HS3ST3A1: variants seen among roughly 807,000 people sequenced by gnomAD.
HS3ST3A1 encodes the protein heparan sulfate glucosamine 3-O-sulfotransferase 3A1.
A neutral mutation model predicts 25.7 loss-of-function variants in HS3ST3A1; 19 were observed. That is an observed-to-expected ratio of 0.74 (90% CI 0.52 to 1.08). The LOEUF is 1.08. Among genes scored for constraint, HS3ST3A1 ranks in the 50% least tolerant of loss-of-function variants. The pLI is 0.00. For synonymous variants in HS3ST3A1, 226 were observed against 278.6 expected (o/e 0.81, Z 1.88); for missense variants, 459 against 594.3 (o/e 0.77, Z 2.37).
At chr17:13,516,967 T>C (rs971168255) in intron 1 of HS3ST3A1, among the ~76,000 whole-genome samples, 6 of 152,086 alleles carry the variant, frequency 3.9e-5, no homozygotes, top group Non-Finnish European at 5.9e-5. Context: ...ATTACAGGCG[T>C]GAGCCACTGT....
At chr17:13,507,084 A>G (rs1447691816) in intron 1 of HS3ST3A1, among the ~76,000 whole-genome samples, 2 of 144,452 alleles carry the variant, frequency 1.4e-5, no homozygotes, top group South Asian at 2.2e-4. Context: ...AAAAAAAAAA[A>G]AACAAAAAAA....
At chr17:13,595,677 G>A (rs1272849103) in intron 1 of HS3ST3A1, among the ~76,000 whole-genome samples, 1 of 152,130 alleles carries the variant, frequency 6.6e-6, no homozygotes, top group Non-Finnish European at 1.5e-5. Flanking sequence ...CCCATACCAA[G>A]AAACGATGCT....
chr17:13,597,364 A>G (rs986760935), intron 1 of HS3ST3A1, among the ~76,000 whole-genome samples: 4 of 152,102 alleles, frequency 2.6e-5, no homozygotes, highest in Admixed American at 2.6e-4. Flanking sequence ...CCTGCTCTTG[A>G]ACTACAGTAG....
At chr17:13,561,991 TG>T (rs1907562356) in intron 1 of HS3ST3A1, among the ~76,000 whole-genome samples, 1 of 152,072 alleles carries the variant, frequency 6.6e-6, no homozygotes, top group Non-Finnish European at 1.5e-5. Context: ...GGAGCTTAGC[TG>T]GGGAAGAAAC....
Position 13,496,050 on chromosome 17 carries a change from G to C in HS3ST3A1, c.*147C>G. ...TTTGGTGTTGGTTATACATTAAGAT[G>C]GGGCGGGAGTGAGAACAATCTCTTA... On this transcript the variant is annotated 3_prime_UTR_variant, in exon 2 of 2. Coordinates refer to ENST00000284110, the MANE Select transcript of HS3ST3A1 (RefSeq NM_006042.3). 2.1e-6 allele frequency: 2 copies of C among 972,300 alleles called. No homozygotes were observed. The highest frequency in any genetic ancestry group is 2.9e-6 in the Non-Finnish European group (2 of 689,806). 60.2% of individuals were successfully genotyped at this position (972,300 alleles called of 1,614,324 possible). A position where few individuals can be genotyped will look rare whatever the true frequency, so the allele number is the denominator to read the frequency against.
At chr17:13,515,222 C>T (rs1000590695) in intron 1 of HS3ST3A1, among the ~76,000 whole-genome samples, 1 of 152,174 alleles carries the variant, frequency 6.6e-6, no homozygotes, top group Admixed American at 6.5e-5. Flanking sequence ...GTGCAGGGCA[C>T]TATCTTGGCT....
intron 1 of HS3ST3A1, 51 bp from the exon 2 acceptor site, chr17:13,496,869 C>A: frequency 6.3e-7 from 1 of 1,576,700 alleles, no homozygotes; most frequent in South Asian, 1.2e-5. Flanking sequence ...AGCTCAGTCC[C>A]AGGAGAGACT....
chr17:13,504,689 T>C (rs911882796), intron 1 of HS3ST3A1, among the ~76,000 whole-genome samples: 20 of 152,246 alleles, frequency 1.3e-4, no homozygotes, highest in African/African-American at 4.3e-4. Flanking sequence ...TATCCCATAA[T>C]GCTCCAAGAA....
At chr17:13,579,727 AAT>A (rs1309963420) in intron 1 of HS3ST3A1, among the ~76,000 whole-genome samples, 4 of 147,378 alleles carry the variant, frequency 2.7e-5, no homozygotes, top group South Asian at 2.2e-4. Flanking sequence ...AAAAAAAAAA[AAT>A]CATAAGAAAT....
intron 1 of HS3ST3A1, among the ~76,000 whole-genome samples, chr17:13,554,108 C>G (rs1192686388): frequency 1.3e-5 from 2 of 152,186 alleles, no homozygotes; most frequent in African/African-American, 2.4e-5. Context: ...GGAAAAAGAG[C>G]ATTTTTGAAA....
intron 1 of HS3ST3A1, among the ~76,000 whole-genome samples, chr17:13,563,875 A>G (rs1458741878): frequency 6.6e-6 from 1 of 152,172 alleles, no homozygotes; most frequent in Non-Finnish European, 1.5e-5. Context: ...GGACAACTTA[A>G]AGATCACAAA....
intron 1 of HS3ST3A1, among the ~76,000 whole-genome samples, chr17:13,591,048 CTT>C (rs552742240): frequency 1.2e-4 from 16 of 136,622 alleles, no homozygotes; most frequent in East Asian, 2.1e-4. Context: ...TTTTTCTTTT[CTT>C]TTTTTTTTTT....
At chr17:13,589,369 T>A (rs573846014) in intron 1 of HS3ST3A1, among the ~76,000 whole-genome samples, 22 of 152,278 alleles carry the variant, frequency 1.4e-4, no homozygotes, top group African/African-American at 5.3e-4. Flanking sequence ...AGAATTGTCA[T>A]CACAAGCTTT....
intron 1 of HS3ST3A1, among the ~76,000 whole-genome samples, chr17:13,551,100 A>T (rs2142356256): frequency 6.7e-6 from 1 of 149,408 alleles, no homozygotes; most frequent in South Asian, 2.1e-4. Context: ...AATTCAAAAA[A>T]ATCTATAACG....
chr17:13,547,341 T>C (rs1422803346), intron 1 of HS3ST3A1, among the ~76,000 whole-genome samples: 2 of 152,078 alleles, frequency 1.3e-5, no homozygotes, highest in Non-Finnish European at 2.9e-5. Context: ...CCTAGATAGC[T>C]TCAGGGGAAC....
At chr17:13,560,746 G>A (rs906945265) in intron 1 of HS3ST3A1, among the ~76,000 whole-genome samples, 2 of 152,124 alleles carry the variant, frequency 1.3e-5, no homozygotes, top group Admixed American at 6.5e-5. Context: ...CAACACAGGT[G>A]CCTGATAGAG....
chr17:13,513,755 C>T (rs1905957563), intron 1 of HS3ST3A1, among the ~76,000 whole-genome samples: 2 of 152,074 alleles, frequency 1.3e-5, no homozygotes, highest in African/African-American at 2.4e-5. Flanking sequence ...TTATTGGATA[C>T]GTGGGTTGTT....
At chr17:13,591,661 CTTTTT>C (rs34995100) in intron 1 of HS3ST3A1, among the ~76,000 whole-genome samples, 2,399 of 142,260 alleles carry the variant, frequency 0.017, 80 homozygotes, top group East Asian at 0.12. Context: ...TTTTCTTCTT[CTTTTT>C]TTTTTTTTTT....
chr17:13,571,697 A>G (rs1482884103), intron 1 of HS3ST3A1, among the ~76,000 whole-genome samples: 1 of 152,240 alleles, frequency 6.6e-6, no homozygotes. Context: ...CAATGGGTAG[A>G]TGAGTTTTCA....
Sources: gnomAD v4.1 joint callset for allele counts (sites outside exome capture counted in the v4.1 genomes callset) on GRCh38, gnomAD v4.1.1 for gene constraint, MANE v1.5 for transcripts, NCBI Gene and HGNC (gene_info 2026-07-23, HGNC 2026-07-21) for gene names.